XKR9: variants seen among roughly 807,000 people sequenced by gnomAD.
XKR9 encodes XK-related protein 9.
XKR9 carries 32 observed loss-of-function variants against 32.0 expected under a neutral mutation model. The ratio of observed to expected loss-of-function variants is 1.00; its 90% CI spans 0.76 to 1.34. The LOEUF (loss-of-function observed/expected upper bound fraction) is 1.34, where lower values mean the gene tolerates loss of function less well. Among genes scored for constraint, XKR9 ranks in the 40% most tolerant of loss-of-function variants. The pLI is 0.00. For synonymous variants in XKR9, 168 were observed against 143.4 expected, an observed-to-expected ratio of 1.17 and a Z score of -1.22; for missense variants, 546 against 429.7, an observed-to-expected ratio of 1.27 and a Z score of -2.39.
the XKR9 span, among the ~76,000 whole-genome samples, chr8:70,881,776 A>G: frequency 6.6e-6 from 1 of 152,222 alleles, no homozygotes; most frequent in African/African-American, 2.4e-5. Context: ...TATACACCCA[A>G]AGGATTATAA....
At chr8:70,894,832 T>C in the XKR9 span, among the ~76,000 whole-genome samples, 1 of 152,130 alleles carries the variant, frequency 6.6e-6, no homozygotes, top group African/African-American at 2.4e-5. Flanking sequence ...AATAGCTGTT[T>C]ACAGCTCAGC....
chr8:70,808,255 C>T, the XKR9 span, among the ~76,000 whole-genome samples: 2 of 152,090 alleles, frequency 1.3e-5, no homozygotes, highest in African/African-American at 4.8e-5. Context: ...ATCTCTGGGA[C>T]ACAGCTAAAG....
chr8:71,036,178 G>A, the XKR9 span, among the ~76,000 whole-genome samples: 9 of 152,024 alleles, frequency 5.9e-5, no homozygotes, highest in Admixed American at 5.9e-4. Flanking sequence ...TTCATTATAG[G>A]AGTCTTAGCC....
At chr8:70,943,664 T>G in the XKR9 span, among the ~76,000 whole-genome samples, 2 of 152,094 alleles carry the variant, frequency 1.3e-5, no homozygotes, top group Non-Finnish European at 2.9e-5. Context: ...GATTAAAAGA[T>G]CTTGAGGAAA....
At chr8:70,799,114 C>A in the XKR9 span, among the ~76,000 whole-genome samples, 5 of 152,154 alleles carry the variant, frequency 3.3e-5, no homozygotes, top group Non-Finnish European at 5.9e-5. Context: ...ATAGGAATAG[C>A]ATTGAATCTG....
chr8:70,869,367 AG>A, the XKR9 span, among the ~76,000 whole-genome samples: 5 of 152,220 alleles, frequency 3.3e-5, no homozygotes, highest in African/African-American at 1.2e-4. Context: ...TCATGGCAGA[AG>A]GCAAGAAAGA....
At chr8:70,716,088 A>G (rs561268240) in intron 4 of XKR9, among the ~76,000 whole-genome samples, 1 of 152,192 alleles carries the variant, frequency 6.6e-6, no homozygotes, top group East Asian at 1.9e-4. Context: ...ACTGGCTTAG[A>G]GTGGGAGAAT....
the XKR9 span, among the ~76,000 whole-genome samples, chr8:70,858,426 T>G: frequency 1.3e-5 from 2 of 152,058 alleles, no homozygotes; most frequent in African/African-American, 4.8e-5. Context: ...GAAGGATCTC[T>G]TCAAGGAGAA....
the XKR9 span, among the ~76,000 whole-genome samples, chr8:70,963,984 C>CA: frequency 3.3e-5 from 5 of 151,940 alleles, no homozygotes; most frequent in African/African-American, 1.2e-4. Flanking sequence ...TCCCATTTGT[C>CA]AATTTTTGCT....
the XKR9 span, among the ~76,000 whole-genome samples, chr8:70,825,235 A>G: frequency 6.6e-6 from 1 of 152,026 alleles, no homozygotes; most frequent in Admixed American, 6.6e-5. Context: ...TCATATACTT[A>G]GACTTGATTC....
chr8:70,907,608 T>C, the XKR9 span, among the ~76,000 whole-genome samples: 1 of 152,208 alleles, frequency 6.6e-6, no homozygotes, highest in Non-Finnish European at 1.5e-5. Context: ...TTAGCTAGTA[T>C]TAATTCCTGT....
the XKR9 span, among the ~76,000 whole-genome samples, chr8:70,814,307 G>A: frequency 1.3e-5 from 2 of 152,166 alleles, no homozygotes; most frequent in South Asian, 4.2e-4. Flanking sequence ...TGGGGGAAAG[G>A]GGGAGGGATA....
At chr8:70,978,982 A>T in the XKR9 span, among the ~76,000 whole-genome samples, 9 of 152,244 alleles carry the variant, frequency 5.9e-5, no homozygotes, top group South Asian at 1.9e-3. Context: ...CATTTCATTA[A>T]TTTGATCTTC....
the XKR9 span, among the ~76,000 whole-genome samples, chr8:70,912,120 A>T: frequency 6.6e-6 from 1 of 152,154 alleles, no homozygotes. Context: ...ATGGTTCAGG[A>T]TGGCTGTGCA....
At chr8:71,051,278 G>A in the XKR9 span, among the ~76,000 whole-genome samples, 2 of 152,112 alleles carry the variant, frequency 1.3e-5, no homozygotes, top group Non-Finnish European at 2.9e-5. Flanking sequence ...AAAGAAGCTT[G>A]ATATGTTTTT....
the XKR9 span, among the ~76,000 whole-genome samples, chr8:70,961,416 C>T: frequency 6.6e-6 from 1 of 152,214 alleles, no homozygotes; most frequent in Non-Finnish European, 1.5e-5. Flanking sequence ...CTAATCCTGG[C>T]AGAGCCATGA....
At chr8:70,691,202 ATG>A (rs1397013083) in intron 3 of XKR9, among the ~76,000 whole-genome samples, 1 of 152,096 alleles carries the variant, frequency 6.6e-6, no homozygotes, top group Non-Finnish European at 1.5e-5. Flanking sequence ...TGCCACATGT[ATG>A]TCTTCTTTTG....
At chr8:70,740,930 TGAG>T (rs1310393690), downstream of XKR9, among the ~76,000 whole-genome samples, 1 of 152,206 alleles carries the variant, frequency 6.6e-6, no homozygotes, top group South Asian at 2.1e-4. Context: ...GGGACCCACT[TGAG>T]GAGGCAGTCT....
At chr8:70,960,274 G>A in the XKR9 span, among the ~76,000 whole-genome samples, 1 of 152,140 alleles carries the variant, frequency 6.6e-6, no homozygotes, top group East Asian at 1.9e-4. Context: ...TATTTGCTTA[G>A]GAGTTAGAGT....
Sources: allele counts gnomAD v4.1 joint callset (sites outside exome capture counted in the v4.1 genomes callset), GRCh38; gene constraint gnomAD v4.1.1; transcripts MANE v1.5; gene names NCBI Gene and HGNC (gene_info 2026-07-23, HGNC 2026-07-21).